Variants in ZNF33A observed in about 807,000 individuals in gnomAD.
ZNF33A encodes brain my041 protein.
Under a neutral mutation model 15.9 loss-of-function variants are expected in ZNF33A, and 9 were observed. The ratio of observed to expected loss-of-function variants is 0.57; its 90% CI spans 0.34 to 0.99. The LOEUF (loss-of-function observed/expected upper bound fraction) is 0.99, where lower values mean the gene tolerates loss of function less well. Among genes scored for constraint, ZNF33A ranks in the 50% least tolerant of loss-of-function variants. The probability of loss-of-function intolerance (pLI) is 0.02; values close to 1 mark genes in which losing one functional copy is unlikely to be tolerated. For synonymous variants in ZNF33A, 294 were observed against 324.2 expected (o/e 0.91, Z 1.00); for missense variants, 843 against 941.6 (o/e 0.90, Z 1.37).
intron 4 of ZNF33A, among the ~76,000 whole-genome samples, chr10:38,028,797 CCTT>C (rs1288630003): frequency 6.6e-6 from 1 of 151,872 alleles, no homozygotes; most frequent in Non-Finnish European, 1.5e-5. Flanking sequence ...ATTTTTATTC[CCTT>C]CTTTATTCCC....
intron 4 of ZNF33A, among the ~76,000 whole-genome samples, chr10:38,050,174 A>C (rs528978837): frequency 1.0e-3 from 154 of 152,340 alleles, no homozygotes; most frequent in South Asian, 3.9e-3. Flanking sequence ...GCATTGCCCT[A>C]ATAACAAAAC....
rs138277819 is a variant in ZNF33A at position 38,035,179 on chromosome 10, G to A, written c.250+17793G>A. On this transcript the variant is annotated intron_variant, in intron 4 of 4. Transcript: ENST00000432900. ...GTCACCCAGGTTGGAGGGCAGTGGT[G>A]TGATCTCAGCTCACGGCAACCTCCG... 1.2e-4 allele frequency among the ~76,000 whole-genome samples: 16 copies of A among 135,966 alleles called. No individual in the cohort carries two copies. In the East Asian group the frequency reaches 3.6e-3, roughly 31 times the overall value. 89.2% of individuals were successfully genotyped at this position (135,966 alleles called of 152,430 possible). A position where few individuals can be genotyped will look rare whatever the true frequency, so the allele number is the denominator to read the frequency against.
intron 4 of ZNF33A, among the ~76,000 whole-genome samples, chr10:38,040,851 A>G (rs1261630131): frequency 6.6e-6 from 1 of 151,200 alleles, no homozygotes; most frequent in African/African-American, 2.4e-5. Context: ...TAACTTTTCA[A>G]TAGGTTTATT....
At chr10:38,014,623 A>G (rs2064360796) in intron 2 of ZNF33A, among the ~76,000 whole-genome samples, 1 of 152,152 alleles carries the variant, frequency 6.6e-6, no homozygotes, top group African/African-American at 2.4e-5. Flanking sequence ...ACTGTTTTAC[A>G]TTGTGATATT....
rs368504756 is a variant in ZNF33A at position 38,056,360 on chromosome 10, G to A, written c.2236G>A (p.Glu746Lys). The A allele has an allele frequency of 1.0e-4, 162 of 1,614,104 alleles. 1 individual carries two copies. Among genetic ancestry groups the A allele is most frequent in the Middle Eastern group, 6.6e-4 (4 of 6,062 alleles). ...LAQHQRSHTG[E>K]KPYECNTCRK... ...TCAACATCAGAGATCACATACAGGG[G>A]AAAAGCCCTATGAATGTAACACATG... Residue 746 changes from glutamate to lysine, a missense_variant, in exon 5 of 5, where the codon GAA becomes AAA. Glu to Lys is a moderately conservative substitution (Grantham distance 56). Coordinates refer to ENST00000432900, the MANE Select transcript of ZNF33A (RefSeq NM_006954.2).
intron 4 of ZNF33A, among the ~76,000 whole-genome samples, chr10:38,047,477 AT>A (rs1341326352): frequency 6.6e-6 from 1 of 151,576 alleles, no homozygotes; most frequent in African/African-American, 2.4e-5. Context: ...AAAGTACAAA[AT>A]TAGCTGTGCG....
Position 38,037,473 on chromosome 10 carries a change from G to A in ZNF33A, c.251-16902G>A, listed in dbSNP as rs139874480. Among the ~76,000 whole-genome samples, 990 of 151,828 alleles carry A rather than the reference G, an allele frequency of 6.5e-3. 12 individuals are homozygous for A. Among genetic ancestry groups the A allele is most frequent in the South Asian group, 0.054 (260 of 4,804 alleles). On this transcript the variant is annotated intron_variant, in intron 4 of 4. Transcript: ENST00000432900. ...TGAGTAGCTGGGATTACAGGCATGC[G>A]CCACCATGCTTGGCTAATGTCTTTG...
intron 2 of ZNF33A, 105 bp from the exon 3 acceptor site, chr10:38,016,766 T>C (rs2064467083): frequency 7.6e-7 from 1 of 1,324,232 alleles, no homozygotes; most frequent in Non-Finnish European, 1.0e-6. Context: ...TTATGATTTC[T>C]TTTTCCCTAA....
At position 38,054,530 on chromosome 10, in the gene ZNF33A, A is replaced by G. The variant is rs1264086136; in HGVS notation, c.406A>G (p.Arg136Gly). ...FNVDVSSFPS[R>G]KMFCQCDSCG... ...TGTGGATGTAAGTTCTTTTCCTTCC[A>G]GAAAAATGTTCTGTCAGTGTGATTC... The change falls in exon 5 of 5, where the codon AGA becomes GGA. Residue 136 changes from arginine (R) to glycine (G), a missense_variant. Arg to Gly is a moderately radical substitution (Grantham distance 125). Transcript: ENST00000432900. 1 of 1,612,900 alleles carries G rather than the reference A, an allele frequency of 6.2e-7. No individual in the cohort carries two copies. Among genetic ancestry groups the G allele is most frequent in the Non-Finnish European group, 8.5e-7 (1 of 1,179,672 alleles).
At chr10:38,024,163 CAAA>C (rs71007682) in intron 4 of ZNF33A, among the ~76,000 whole-genome samples, 5 of 93,218 alleles carry the variant, frequency 5.4e-5, no homozygotes, top group South Asian at 8.1e-4. Flanking sequence ...AAAAACAAAA[CAAA>C]AAAAAAAAAA....
intron 4 of ZNF33A, among the ~76,000 whole-genome samples, chr10:38,035,111 C>CTTTATTTTTT (rs2065385106): frequency 1.2e-5 from 1 of 85,772 alleles, no homozygotes; most frequent in African/African-American, 5.0e-5. Flanking sequence ...CATTTACTTT[C>CTTTATTTTTT]TTTTTTTTTT....
intron 4 of ZNF33A, among the ~76,000 whole-genome samples, chr10:38,023,259 T>C (rs2064836855): frequency 6.6e-6 from 1 of 152,192 alleles, no homozygotes; most frequent in African/African-American, 2.4e-5. Context: ...GGAACATTTC[T>C]TAACACATTT....
At chr10:38,032,274 T>G (rs1590574391) in intron 4 of ZNF33A, among the ~76,000 whole-genome samples, 2 of 152,140 alleles carry the variant, frequency 1.3e-5, no homozygotes, top group East Asian at 3.9e-4. Context: ...GTAAGAACAA[T>G]ACATAATATC....
intron 4 of ZNF33A, among the ~76,000 whole-genome samples, chr10:38,024,163 C>CAAAAAAA (rs71007682): frequency 1.6e-3 from 153 of 93,120 alleles, no homozygotes; most frequent in African/African-American, 4.5e-3. Flanking sequence ...AAAAACAAAA[C>CAAAAAAA]AAAAAAAAAA....
chr10:38,041,093 G>T (rs1355416608), intron 4 of ZNF33A, among the ~76,000 whole-genome samples: 1 of 151,670 alleles, frequency 6.6e-6, no homozygotes, highest in East Asian at 1.9e-4. Flanking sequence ...TTTTACTTTT[G>T]CTTTCTTTTA....
chr10:38,062,844 A>T (rs1353342318), downstream of ZNF33A, among the ~76,000 whole-genome samples: 1 of 151,982 alleles, frequency 6.6e-6, no homozygotes, highest in East Asian at 1.9e-4. Flanking sequence ...TCTACTAAAA[A>T]TAGAAAAAGT....
chr10:38,063,002 CAAAAAAAAAAAAAA>C (rs373779802), downstream of ZNF33A, among the ~76,000 whole-genome samples: 11 of 44,188 alleles, frequency 2.5e-4, no homozygotes, highest in African/African-American at 5.1e-4. Context: ...GACTCCATCT[CAAAAAAAAAAAAAA>C]AAAAAAAAAA....
downstream of ZNF33A, chr10:38,064,019 G>C (rs2066686186): frequency 6.9e-7 from 1 of 1,458,932 alleles, no homozygotes; most frequent in South Asian, 1.2e-5. Flanking sequence ...GGGCTTTCAG[G>C]CCATCTTCAC....
At chr10:38,012,421 GTTTGTTT>G in intron 2 of ZNF33A, 71 bp downstream of exon 2, 1 of 671,136 alleles carries the variant, frequency 1.5e-6, no homozygotes, top group Non-Finnish European at 2.3e-6. Flanking sequence ...TCGATATGGT[GTTTGTTT>G]TTTTTTTTTT....
Sources: gnomAD v4.1 joint callset for allele counts (sites outside exome capture counted in the v4.1 genomes callset) on GRCh38, gnomAD v4.1.1 for gene constraint, MANE v1.5 for transcripts, NCBI Gene and HGNC (gene_info 2026-07-23, HGNC 2026-07-21) for gene names.